The following TACC3 variants were observed in gnomAD, a reference collection of about 807,000 sequenced individuals.
The protein encoded by TACC3 is transforming acidic coiled-coil containing protein 3.
A neutral mutation model predicts 86.0 loss-of-function variants in TACC3; 52 were observed. The observed-to-expected ratio is 0.60, with a 90% CI of 0.48 to 0.76. The LOEUF (loss-of-function observed/expected upper bound fraction) is 0.76. TACC3 is among the 30% of genes least tolerant of loss of function. TACC3 has a pLI of 0.00. For missense variants in TACC3, 1,120 were observed against 1,070.4 expected (o/e 1.05, Z -0.65); for synonymous variants, 512 against 430.0 (o/e 1.19, Z -2.36).
chr4:1,742,386 G>A (rs1341117114), intron 13 of TACC3, among the ~76,000 whole-genome samples: 1 of 152,218 alleles, frequency 6.6e-6, no homozygotes, highest in African/African-American at 2.4e-5. Context: ...CTCTCCCCGG[G>A]GCAGGCCTGT....
chr4:1,742,269 T>C (rs569888011), intron 13 of TACC3: 1 of 152,408 alleles, frequency 6.6e-6, no homozygotes, highest in South Asian at 2.1e-4. Context: ...GCACAGACGC[T>C]TGGAGAGGCA....
At chr4:1,722,678 C>T (rs1239535679) in intron 1 of TACC3, among the ~76,000 whole-genome samples, 1 of 152,224 alleles carries the variant, frequency 6.6e-6, no homozygotes, top group Non-Finnish European at 1.5e-5. Context: ...ACACTCGGTT[C>T]TCTCTGGCAG....
intron 6 of TACC3, among the ~76,000 whole-genome samples, chr4:1,734,168 C>A (rs1413975486): frequency 6.6e-6 from 1 of 152,154 alleles, no homozygotes; most frequent in South Asian, 2.1e-4. Flanking sequence ...CAGATCAAGA[C>A]CCTGTCTTAA....
intron 1 of TACC3, among the ~76,000 whole-genome samples, chr4:1,722,256 G>A (rs1577203285): frequency 6.6e-6 from 1 of 152,234 alleles, no homozygotes; most frequent in East Asian, 1.9e-4. Flanking sequence ...CTGCTCTCCC[G>A]AGCTCCTCCA....
Position 1,728,768 on chromosome 4 carries a change from C to T in TACC3, c.1366C>T (p.Pro456Ser), listed in dbSNP as rs1393009338. Reference sequence around the variant, plus strand: ...GCATGCTGGGCCTGCCACGGAGGAGCCAGGTCCCTGTCTGAGCCAGTAAGT... The same window carrying T: ...GCATGCTGGGCCTGCCACGGAGGAGTCAGGTCCCTGTCTGAGCCAGTAAGT... The part of the protein sequence containing the change: ...QLHAGPATEE[P>S]GPCLSQQLHS... The change falls in exon 4 of 16, where the codon CCA becomes TCA. Residue 456 changes from proline to serine, a missense_variant. By Grantham distance (74) the Pro-to-Ser change is moderately conservative. Transcript: ENST00000313288. The T allele has an allele frequency of 6.2e-7, 1 of 1,608,110 alleles. No individual in the cohort carries two copies. Among genetic ancestry groups the T allele is most frequent in the Non-Finnish European group, 8.5e-7 (1 of 1,178,030 alleles).
rs139849008 is a variant in TACC3 at position 1,728,160 on chromosome 4, G to T, written c.758G>T (p.Gly253Val). The change falls in exon 4 of 16, where the codon GGT (glycine) becomes GTT (valine). Residue 253 changes from glycine (G) to valine (V), a missense_variant. Gly to Val is a moderately radical substitution (Grantham distance 109, BLOSUM62 -3). Transcript: ENST00000313288. Reference sequence around the variant, plus strand: ...GCAGCAGTGGCCACTTCGCCTCCTGGTGCAATCCCTAAGGAAGCCTGCGGA... The same window carrying T: ...GCAGCAGTGGCCACTTCGCCTCCTGTTGCAATCCCTAAGGAAGCCTGCGGA... Reference protein sequence around the residue: ...APAAVATSPPGAIPKEACGGA... With the variant: ...APAAVATSPPVAIPKEACGGA... 1.9e-3 allele frequency: 3,093 copies of T among 1,611,676 alleles called. 2 individuals carry two copies. The highest frequency in any genetic ancestry group is 3.8e-3 in the Middle Eastern group (23 of 6,062).
Position 1,745,108 on chromosome 4 carries a change from A to T in TACC3, c.*95A>T. The stretch of plus-strand genomic sequence containing the variant: ...ATGTTCTTTTTTCTGTCTTGTCTTC[A>T]ACTTTTTTAAAAACTAGATTGCTTT... On this transcript the variant is annotated 3_prime_UTR_variant, in exon 16 of 16. Transcript: ENST00000313288. The T allele has an allele frequency of 1.5e-6, 2 of 1,312,022 alleles. No homozygotes were observed. 81.3% of individuals were successfully genotyped at this position (1,312,022 alleles called of 1,614,324 possible).
intron 3 of TACC3, among the ~76,000 whole-genome samples, chr4:1,726,014 A>T (rs1159156923): frequency 1.3e-5 from 2 of 152,184 alleles, no homozygotes; most frequent in African/African-American, 4.8e-5. Context: ...TGGGCCCCTT[A>T]TCTGAGGCAC....
chr4:1,724,332 C>G (rs1297020625), intron 3 of TACC3, among the ~76,000 whole-genome samples: 2 of 150,298 alleles, frequency 1.3e-5, no homozygotes, highest in Non-Finnish European at 3.0e-5. Context: ...GGCCAGTTCA[C>G]TAACAGAAAA....
At chr4:1,740,035 C>G in intron 12 of TACC3, 33 bp downstream of exon 12, 2 of 1,611,260 alleles carry the variant, frequency 1.2e-6, no homozygotes, top group Admixed American at 3.3e-5. Context: ...CCACGTGCCT[C>G]CACGAGGGGC....
chr4:1,734,925 G>T (rs1024873035), intron 6 of TACC3, among the ~76,000 whole-genome samples: 1 of 152,214 alleles, frequency 6.6e-6, no homozygotes. Context: ...TTAATCAAAA[G>T]TTATATTATC....
chr4:1,731,586 A>G (rs2108695530), intron 6 of TACC3, among the ~76,000 whole-genome samples: 2 of 152,328 alleles, frequency 1.3e-5, no homozygotes, highest in Admixed American at 1.3e-4. Context: ...ATGAGATACA[A>G]GTGTAGAGTC....
intron 13 of TACC3, among the ~76,000 whole-genome samples, chr4:1,742,818 ATTAG>A (rs36118328): frequency 0.31 from 46,870 of 150,650 alleles, 8,451 homozygotes; most frequent in East Asian, 0.69. Flanking sequence ...AAATACAAAA[ATTAG>A]TTAGGCATGG....
chr4:1,737,791 CGCCATCCCT>C (rs3217571), intron 10 of TACC3, 89 bp downstream of exon 10: 359,675 of 1,101,418 alleles, frequency 0.33, 69,042 homozygotes, highest in East Asian at 0.69. Flanking sequence ...CAGCCTGACC[CGCCATCCCT>C]GCCATCCCTG....
At chr4:1,734,759 C>T (rs1196610700) in intron 6 of TACC3, among the ~76,000 whole-genome samples, 1 of 152,088 alleles carries the variant, frequency 6.6e-6, no homozygotes, top group Non-Finnish European at 1.5e-5. Context: ...CAGCCTCCAC[C>T]TCCCAGGCTC....
intron 9 of TACC3, 115 bp from the exon 10 acceptor site, chr4:1,737,483 T>TC: frequency 9.1e-7 from 1 of 1,099,254 alleles, no homozygotes; most frequent in Non-Finnish European, 1.3e-6. Context: ...CTGTCTCGGG[T>TC]CCCTCATGCA....
intron 3 of TACC3, among the ~76,000 whole-genome samples, chr4:1,725,576 C>T (rs1717644326): frequency 6.6e-6 from 1 of 152,230 alleles, no homozygotes; most frequent in African/African-American, 2.4e-5. Flanking sequence ...TGTGATCCGT[C>T]CCAGAGCCAC....
intron 6 of TACC3, among the ~76,000 whole-genome samples, chr4:1,731,963 C>G (rs997706785): frequency 6.6e-6 from 1 of 152,254 alleles, no homozygotes; most frequent in Non-Finnish European, 1.5e-5. Context: ...AATGTGAAGC[C>G]TGAACCTTAG....
intron 8 of TACC3, 68 bp from the exon 9 acceptor site, chr4:1,737,173 A>G (rs1718312788): frequency 2.3e-6 from 3 of 1,314,116 alleles, no homozygotes; most frequent in East Asian, 2.3e-5. Context: ...GCTTGTCCAC[A>G]TGGTCCTCTG....
Sources: gnomAD v4.1 joint callset for allele counts (sites outside exome capture counted in the v4.1 genomes callset) on GRCh38, gnomAD v4.1.1 for gene constraint, MANE v1.5 for transcripts, NCBI Gene and HGNC (gene_info 2026-07-23, HGNC 2026-07-21) for gene names.